The following NFIA variants were observed in gnomAD, a reference collection of about 807,000 sequenced individuals.
NFIA encodes nuclear factor I A, also known as nuclear factor 1 A-type.
NFIA carries 8 observed loss-of-function variants against 62.8 expected under a neutral mutation model. The ratio of observed to expected loss-of-function variants is 0.13; its 90% CI spans 0.07 to 0.23. The LOEUF (loss-of-function observed/expected upper bound fraction) is 0.23. Ranked by LOEUF, NFIA falls within the 10% of genes least tolerant of loss-of-function variation. The pLI, the probability that NFIA is intolerant of heterozygous loss-of-function variation, is 1.00. For synonymous variants in NFIA, 235 were observed against 238.1 expected (o/e 0.99, Z 0.12); for missense variants, 410 against 642.1 (o/e 0.64, Z 3.91).
chr1:61,396,806 G>A (rs1373431575), intron 7 of NFIA, among the ~76,000 whole-genome samples: 4 of 151,832 alleles, frequency 2.6e-5, no homozygotes, highest in East Asian at 1.9e-4. Context: ...TCAAGACCAC[G>A]CTGGGCAACG....
chr1:61,396,838 A>T (rs1208567065), intron 7 of NFIA, among the ~76,000 whole-genome samples: 1 of 151,874 alleles, frequency 6.6e-6, no homozygotes, highest in Non-Finnish European at 1.5e-5. Context: ...CATCTCTACT[A>T]AAAAAATTCA....
At chr1:61,411,132 T>G (rs1412358588) in intron 9 of NFIA, among the ~76,000 whole-genome samples, 1 of 152,130 alleles carries the variant, frequency 6.6e-6, no homozygotes, top group Non-Finnish European at 1.5e-5. Flanking sequence ...CTTCTTATAA[T>G]GAAATACAAA....
intron 2 of NFIA, among the ~76,000 whole-genome samples, chr1:61,234,554 G>A (rs950756907): frequency 1.1e-4 from 17 of 152,038 alleles, no homozygotes; most frequent in Non-Finnish European, 2.4e-4. Flanking sequence ...ATATTACTTT[G>A]CCCTTACTAA....
chr1:61,136,431 A>G (rs1206525631), intron 2 of NFIA, among the ~76,000 whole-genome samples: 1 of 152,204 alleles, frequency 6.6e-6, no homozygotes, highest in Non-Finnish European at 1.5e-5. Context: ...GACAAATTAT[A>G]CGCAAACTAG....
intron 2 of NFIA, among the ~76,000 whole-genome samples, chr1:61,223,402 A>G (rs780436358): frequency 1.3e-5 from 2 of 152,016 alleles, no homozygotes; most frequent in African/African-American, 2.4e-5. Context: ...TGCAGCTATG[A>G]GTAGAAGAAC....
intron 2 of NFIA, among the ~76,000 whole-genome samples, chr1:61,113,806 CAT>C (rs773013255): frequency 1.8e-4 from 27 of 152,200 alleles, no homozygotes; most frequent in Non-Finnish European, 2.6e-4. Flanking sequence ...CAGAAGCAGA[CAT>C]ATGCACGATT....
At chr1:61,257,068 G>A (rs922823235) in intron 2 of NFIA, among the ~76,000 whole-genome samples, 10 of 152,082 alleles carry the variant, frequency 6.6e-5, no homozygotes, top group African/African-American at 2.2e-4. Flanking sequence ...TAGCAAATTC[G>A]CAAATAATTA....
chr1:61,288,586 G>A (rs953228697), intron 3 of NFIA, among the ~76,000 whole-genome samples: 1 of 152,144 alleles, frequency 6.6e-6, no homozygotes, highest in Non-Finnish European at 1.5e-5. Context: ...CAATCATTGT[G>A]GACTTTCTGT....
At chr1:61,437,649 ATT>A (rs1667390876) in intron 10 of NFIA, among the ~76,000 whole-genome samples, 1 of 152,240 alleles carries the variant, frequency 6.6e-6, no homozygotes. Context: ...CGATGAAGTA[ATT>A]GAAATAGGTA....
chr1:61,133,489 TC>T (rs1182166032), intron 2 of NFIA, among the ~76,000 whole-genome samples: 1 of 152,310 alleles, frequency 6.6e-6, no homozygotes, highest in African/African-American at 2.4e-5. Flanking sequence ...CTCTTTGTTT[TC>T]CCAGTGTCTA....
At chr1:61,328,072 C>T (rs1661052869) in intron 3 of NFIA, among the ~76,000 whole-genome samples, 1 of 150,748 alleles carries the variant, frequency 6.6e-6, no homozygotes. Context: ...TGAAAAATGT[C>T]TGATCATATC....
chr1:61,379,562 C>T (rs1267707943), intron 6 of NFIA, among the ~76,000 whole-genome samples: 7 of 151,874 alleles, frequency 4.6e-5, no homozygotes. Flanking sequence ...CACATGTCAC[C>T]ATGCCCAGCT....
chr1:61,292,396 A>G (rs1658946866), intron 3 of NFIA, among the ~76,000 whole-genome samples: 1 of 152,198 alleles, frequency 6.6e-6, no homozygotes, highest in Non-Finnish European at 1.5e-5. Flanking sequence ...AAAATAATAC[A>G]TAATCATAAG....
intron 1 of NFIA, among the ~76,000 whole-genome samples, chr1:61,086,812 G>C (rs575389767): frequency 1.3e-5 from 2 of 152,176 alleles, no homozygotes; most frequent in South Asian, 2.1e-4. Context: ...GGACATTACT[G>C]CTACCTGTGC....
At chr1:61,183,336 T>C (rs989153459) in intron 2 of NFIA, among the ~76,000 whole-genome samples, 2 of 152,196 alleles carry the variant, frequency 1.3e-5, no homozygotes, top group Non-Finnish European at 2.9e-5. Context: ...ACAGGTCTTA[T>C]CTAGGTAGTT....
intron 2 of NFIA, among the ~76,000 whole-genome samples, chr1:61,274,854 A>G (rs996030986): frequency 5.9e-5 from 9 of 152,170 alleles, no homozygotes; most frequent in African/African-American, 2.2e-4. Flanking sequence ...CAATACCAGA[A>G]AGAGTGTCCA....
intron 2 of NFIA, among the ~76,000 whole-genome samples, chr1:61,123,988 T>C (rs554018189): frequency 1.3e-5 from 2 of 152,332 alleles, no homozygotes; most frequent in South Asian, 4.1e-4. Flanking sequence ...GATTCCTTTT[T>C]CTTGAAGCTG....
At chr1:61,140,826 A>T (rs1055318255) in intron 2 of NFIA, among the ~76,000 whole-genome samples, 1 of 152,152 alleles carries the variant, frequency 6.6e-6, no homozygotes, top group Non-Finnish European at 1.5e-5. Flanking sequence ...TTCATTATAC[A>T]AAAGCAGGGT....
chr1:61,323,710 A>G (rs1248811792), intron 3 of NFIA, among the ~76,000 whole-genome samples: 1 of 152,224 alleles, frequency 6.6e-6, no homozygotes, highest in African/African-American at 2.4e-5. Flanking sequence ...AAGATAATCT[A>G]AATTAAGAGT....
Sources: allele counts gnomAD v4.1 joint callset (sites outside exome capture counted in the v4.1 genomes callset), GRCh38; gene constraint gnomAD v4.1.1; transcripts MANE v1.5; gene names NCBI Gene and HGNC (gene_info 2026-07-23, HGNC 2026-07-21).